Variants in KHDRBS3 observed in about 807,000 individuals in gnomAD.
KHDRBS3 encodes the protein KH RNA binding domain containing, signal transduction associated 3, also known as KH domain-containing, RNA-binding, signal transduction-associated protein 3.
A neutral mutation model predicts 45.6 loss-of-function variants in KHDRBS3; 23 were observed. The observed-to-expected ratio is 0.50, with a 90% CI of 0.36 to 0.72. The LOEUF is 0.72. Ranked by LOEUF, KHDRBS3 falls within the 30% of genes least tolerant of loss-of-function variation. The pLI, the probability that KHDRBS3 is intolerant of heterozygous loss-of-function variation, is 0.00. For missense variants in KHDRBS3, 352 were observed against 424.8 expected (o/e 0.83, Z 1.51); for synonymous variants, 162 against 156.5 (o/e 1.04, Z -0.26).
chr8:135,469,307 C>T (rs1188590466), intron 1 of KHDRBS3, among the ~76,000 whole-genome samples: 2 of 152,086 alleles, frequency 1.3e-5, no homozygotes, highest in African/African-American at 4.8e-5. Flanking sequence ...TTTTTTGAGA[C>T]GGAGTCTCGC....
At chr8:135,500,425 G>A (rs1387854781) in intron 1 of KHDRBS3, among the ~76,000 whole-genome samples, 3 of 152,150 alleles carry the variant, frequency 2.0e-5, no homozygotes, top group Admixed American at 6.5e-5. Flanking sequence ...TAGGGCTGAT[G>A]GAAGACAATG....
chr8:135,548,472 C>A (rs544120526), intron 3 of KHDRBS3, among the ~76,000 whole-genome samples: 1 of 152,068 alleles, frequency 6.6e-6, no homozygotes, highest in Non-Finnish European at 1.5e-5. Context: ...GACACCCTAG[C>A]AGCGGAAGTG....
At chr8:135,583,196 G>A (rs540202992) in intron 6 of KHDRBS3, among the ~76,000 whole-genome samples, 1 of 152,302 alleles carries the variant, frequency 6.6e-6, no homozygotes, top group East Asian at 1.9e-4. Context: ...TGAACCTCTG[G>A]AAGGGCAGGA....
At chr8:135,606,022 A>G (rs1829445672) in intron 6 of KHDRBS3, among the ~76,000 whole-genome samples, 1 of 152,110 alleles carries the variant, frequency 6.6e-6, no homozygotes, top group African/African-American at 2.4e-5. Context: ...AACTAATCTT[A>G]TAAAGTCTCT....
At chr8:135,557,714 G>A (rs1826960572) in intron 5 of KHDRBS3, 127 bp downstream of exon 5, 1 of 715,978 alleles carries the variant, frequency 1.4e-6, no homozygotes, top group Non-Finnish European at 2.4e-6. Context: ...GCACATGCCT[G>A]TAGTCCCAGC....
At chr8:135,552,956 C>T (rs943919225) in intron 4 of KHDRBS3, among the ~76,000 whole-genome samples, 1 of 152,106 alleles carries the variant, frequency 6.6e-6, no homozygotes, top group Non-Finnish European at 1.5e-5. Context: ...TTTTCTGTTG[C>T]TCTGGGATGC....
At chr8:135,470,413 C>A (rs113721959) in intron 1 of KHDRBS3, among the ~76,000 whole-genome samples, 20 of 152,178 alleles carry the variant, frequency 1.3e-4, no homozygotes, top group Middle Eastern at 3.4e-3. Context: ...GTGTACCACC[C>A]ATTCAGAACC....
intron 2 of KHDRBS3, among the ~76,000 whole-genome samples, chr8:135,529,414 A>C (rs1440268065): frequency 6.6e-6 from 1 of 152,202 alleles, no homozygotes; most frequent in Non-Finnish European, 1.5e-5. Context: ...TAAAATCTTA[A>C]CGTTTGCTCT....
intron 7 of KHDRBS3, among the ~76,000 whole-genome samples, chr8:135,611,272 C>T (rs1197897205): frequency 2.0e-5 from 3 of 151,868 alleles, no homozygotes; most frequent in Admixed American, 2.0e-4. Context: ...ACATCTGTCC[C>T]TTTTAAAGAA....
rs376195932 is a variant in KHDRBS3, at chr8:135,581,929, G to A, written c.663G>A (p.Gly221=). The change falls in exon 6 of 9, where the codon GGG becomes GGA. Residue 221 remains glycine, a synonymous_variant. Transcript: ENST00000355849. ...ARPVGVVVPR[G]TPTPRGVLST... ...CAGTTGGAGTTGTAGTACCACGAGG[G>A]ACGCCAACTCCCAGAGGAGTCCTGT... 3.1e-6 allele frequency: 5 copies of A among 1,612,316 alleles called. No individual in the cohort carries two copies. The highest frequency in any genetic ancestry group is 3.4e-6 in the Non-Finnish European group (4 of 1,178,882).
intron 1 of KHDRBS3, among the ~76,000 whole-genome samples, chr8:135,487,712 G>A (rs1246310516): frequency 6.6e-6 from 1 of 152,192 alleles, no homozygotes; most frequent in Non-Finnish European, 1.5e-5. Flanking sequence ...AAGTCCTGGA[G>A]CCTCGATAGT....
intron 1 of KHDRBS3, among the ~76,000 whole-genome samples, chr8:135,467,933 A>G (rs1393986991): frequency 6.6e-6 from 1 of 152,220 alleles, no homozygotes; most frequent in Non-Finnish European, 1.5e-5. Flanking sequence ...TGATGGTTGT[A>G]AAATGGTAAT....
chr8:135,587,049 T>A (rs1828509236), intron 6 of KHDRBS3, among the ~76,000 whole-genome samples: 1 of 152,216 alleles, frequency 6.6e-6, no homozygotes, highest in African/African-American at 2.4e-5. Flanking sequence ...TAGTTCTTTT[T>A]AAATACTTAT....
intron 1 of KHDRBS3, among the ~76,000 whole-genome samples, chr8:135,503,346 C>T (rs569166550): frequency 7.7e-4 from 118 of 152,304 alleles, no homozygotes; most frequent in African/African-American, 2.4e-3. Context: ...GGGAAGCCAA[C>T]ATATTTTTTC....
intron 5 of KHDRBS3, among the ~76,000 whole-genome samples, chr8:135,573,564 C>T (rs1452569774): frequency 2.0e-5 from 3 of 152,176 alleles, no homozygotes; most frequent in East Asian, 1.9e-4. Flanking sequence ...CCCCAGTTTA[C>T]AGATAGGAAA....
At chr8:135,572,908 T>C (rs1827773365) in intron 5 of KHDRBS3, among the ~76,000 whole-genome samples, 1 of 152,232 alleles carries the variant, frequency 6.6e-6, no homozygotes, top group African/African-American at 2.4e-5. Flanking sequence ...AAAACACTCT[T>C]AGAATGATTA....
At chr8:135,582,428 T>C (rs1461048243) in intron 6 of KHDRBS3, among the ~76,000 whole-genome samples, 1 of 152,228 alleles carries the variant, frequency 6.6e-6, no homozygotes. Context: ...AATAATTGCC[T>C]GCGTATACCA....
intron 1 of KHDRBS3, among the ~76,000 whole-genome samples, chr8:135,461,364 A>T (rs1178091659): frequency 6.6e-6 from 1 of 152,162 alleles, no homozygotes; most frequent in African/African-American, 2.4e-5. Flanking sequence ...CAGCCTCCCA[A>T]AGTGCTGGGA....
intron 5 of KHDRBS3, among the ~76,000 whole-genome samples, chr8:135,573,861 A>C (rs1827823665): frequency 6.6e-6 from 1 of 152,202 alleles, no homozygotes; most frequent in Non-Finnish European, 1.5e-5. Flanking sequence ...AAACCCAAAA[A>C]GAAAGAATTA....
Sources: gnomAD v4.1 joint callset for allele counts (sites outside exome capture counted in the v4.1 genomes callset) on GRCh38, gnomAD v4.1.1 for gene constraint, MANE v1.5 for transcripts, NCBI Gene and HGNC (gene_info 2026-07-23, HGNC 2026-07-21) for gene names.